Variants in UBE3D observed in about 807,000 individuals in gnomAD.
The protein encoded by UBE3D is ubiquitin protein ligase E3D.
A neutral mutation model predicts 49.6 loss-of-function variants in UBE3D; 48 were observed. The observed-to-expected ratio is 0.97, with a 90% CI of 0.77 to 1.23. The LOEUF (loss-of-function observed/expected upper bound fraction) is 1.23. Ranked by LOEUF, UBE3D falls within the 50% of genes most tolerant of loss-of-function variation. UBE3D has a pLI of 0.00. For missense variants in UBE3D, 452 were observed against 468.4 expected (o/e 0.96, Z 0.32); for synonymous variants, 189 against 174.2 (o/e 1.08, Z -0.67).
At chr6:82,995,635 T>C (rs975331880) in intron 8 of UBE3D, among the ~76,000 whole-genome samples, 3 of 152,094 alleles carry the variant, frequency 2.0e-5, no homozygotes, top group African/African-American at 7.2e-5. Context: ...GAAACAGTCA[T>C]TTAAAAAAGG....
intron 7 of UBE3D, among the ~76,000 whole-genome samples, chr6:83,022,125 C>A (rs183542216): frequency 6.6e-6 from 1 of 152,176 alleles, no homozygotes; most frequent in East Asian, 1.9e-4. Flanking sequence ...CTCCTGAGTT[C>A]AAGCGATTCT....
At chr6:83,015,651 T>A (rs1343499649) in intron 8 of UBE3D, among the ~76,000 whole-genome samples, 2 of 152,172 alleles carry the variant, frequency 1.3e-5, no homozygotes, top group Non-Finnish European at 2.9e-5. Context: ...GGTCACACTC[T>A]CAACCTCACC....
At chr6:83,002,422 C>A (rs1354118533) in intron 8 of UBE3D, among the ~76,000 whole-genome samples, 1 of 152,130 alleles carries the variant, frequency 6.6e-6, no homozygotes, top group Non-Finnish European at 1.5e-5. Flanking sequence ...TGTTGGCTCA[C>A]CCCTGTAATC....
intron 9 of UBE3D, among the ~76,000 whole-genome samples, chr6:82,919,386 G>A (rs1472545835): frequency 2.0e-5 from 3 of 151,634 alleles, no homozygotes; most frequent in Non-Finnish European, 2.9e-5. Flanking sequence ...AGCAGATCAC[G>A]AGGTCAGGAG....
chr6:83,040,378 ACTCTCT>A (rs59340440), intron 4 of UBE3D, among the ~76,000 whole-genome samples: 11,432 of 146,820 alleles, frequency 0.078, 866 homozygotes, highest in African/African-American at 0.2. Context: ...AGCGAGACTG[ACTCTCT>A]CTCTCTCTCT....
chr6:82,943,832 A>G (rs1401565400), intron 9 of UBE3D, among the ~76,000 whole-genome samples: 3 of 151,994 alleles, frequency 2.0e-5, no homozygotes, highest in Non-Finnish European at 2.9e-5. Flanking sequence ...AGTGCAGTGA[A>G]TATGAGACTT....
intron 8 of UBE3D, among the ~76,000 whole-genome samples, chr6:83,008,345 A>G (rs1780120088): frequency 6.6e-6 from 1 of 152,206 alleles, no homozygotes; most frequent in South Asian, 2.1e-4. Context: ...TATAGAGTCT[A>G]AAGCCAAAAA....
chr6:82,884,739 C>T, the UBE3D span, among the ~76,000 whole-genome samples: 1 of 152,216 alleles, frequency 6.6e-6, no homozygotes, highest in Admixed American at 6.5e-5. Flanking sequence ...TGGGGTGATC[C>T]CACAGCATAA....
rs141885314 is a variant in UBE3D at position 82,975,812 on chromosome 6, G to C, written c.1011-18362C>G. 3.5e-4 allele frequency among the ~76,000 whole-genome samples: 53 copies of C among 152,246 alleles called. 1 individual carries two copies. Among genetic ancestry groups the C allele is most frequent in the African/African-American group, 1.2e-3 (49 of 41,560 alleles). ...GATTTTTGTCATTAGCGTCAGTCAAGTTGCTATAGATATTAAAAAATGTAT... is the reference window on the plus strand; with the variant it reads ...GATTTTTGTCATTAGCGTCAGTCAACTTGCTATAGATATTAAAAAATGTAT... On this transcript the variant is annotated intron_variant, in intron 8 of 9. Transcript: ENST00000369747.
At chr6:82,966,262 G>A (rs965300627) in intron 8 of UBE3D, among the ~76,000 whole-genome samples, 1 of 152,128 alleles carries the variant, frequency 6.6e-6, no homozygotes. Context: ...AGGAGGAATG[G>A]GGAGTGATTG....
At chr6:83,034,622 A>G (rs908752526) in intron 5 of UBE3D, among the ~76,000 whole-genome samples, 1 of 152,098 alleles carries the variant, frequency 6.6e-6, no homozygotes, top group Non-Finnish European at 1.5e-5. Flanking sequence ...GAGTTATCAC[A>G]AGATCTGAGG....
intron 1 of UBE3D, among the ~76,000 whole-genome samples, chr6:83,058,367 C>CAATG (rs1473735590): frequency 1.3e-5 from 2 of 152,056 alleles, no homozygotes; most frequent in African/African-American, 4.8e-5. Context: ...TTCAGTGAAA[C>CAATG]AATGATACAA....
At chr6:82,923,504 A>G (rs1053934581) in intron 9 of UBE3D, among the ~76,000 whole-genome samples, 36 of 152,324 alleles carry the variant, frequency 2.4e-4, no homozygotes, top group African/African-American at 7.9e-4. Context: ...GTGGGAGTTG[A>G]ACAATGAGAA....
chr6:83,038,691 C>T (rs752578332), intron 4 of UBE3D, among the ~76,000 whole-genome samples: 2 of 152,186 alleles, frequency 1.3e-5, no homozygotes, highest in Non-Finnish European at 1.5e-5. Flanking sequence ...CACACAGATT[C>T]ACTTTTCCAA....
At chr6:82,967,967 A>G (rs1777070915) in intron 8 of UBE3D, among the ~76,000 whole-genome samples, 1 of 152,142 alleles carries the variant, frequency 6.6e-6, no homozygotes, top group Admixed American at 6.6e-5. Flanking sequence ...ATAACTGAGT[A>G]AATTTCCATG....
intron 9 of UBE3D, among the ~76,000 whole-genome samples, chr6:82,935,290 G>A (rs1410357186): frequency 1.3e-5 from 2 of 151,972 alleles, no homozygotes; most frequent in South Asian, 2.1e-4. Flanking sequence ...AACTCAGAGC[G>A]AGTGCTCACT....
At chr6:82,889,745 A>T (rs190504250), downstream of UBE3D, among the ~76,000 whole-genome samples, 5 of 152,118 alleles carry the variant, frequency 3.3e-5, no homozygotes, top group East Asian at 9.7e-4. Context: ...CTCCATGAGA[A>T]TGTAAGCTCG....
In UBE3D at chr6:83,032,728, T is replaced by G. The variant is rs149033188; in HGVS notation, c.667+5688A>C. The stretch of plus-strand genomic sequence containing the variant: ...TTGCTCCCATAATCCCCAGGTGTCA[T>G]AGAAGGGACCTGGTGGGAATTAACT... On this transcript the variant is annotated intron_variant, in intron 5 of 9. Coordinates refer to ENST00000369747, the MANE Select transcript of UBE3D (RefSeq NM_198920.3). Among the ~76,000 whole-genome samples, 84 of 152,218 alleles carry G rather than the reference T, an allele frequency of 5.5e-4. 1 individual carries two copies. Among genetic ancestry groups the G allele is most frequent in the African/African-American group, 1.9e-3 (78 of 41,536 alleles).
chr6:82,896,647 C>T (rs1166080610), intron 9 of UBE3D, among the ~76,000 whole-genome samples: 9 of 152,060 alleles, frequency 5.9e-5, no homozygotes, highest in South Asian at 2.1e-4. Context: ...TTGTGTGACA[C>T]GTTAAACATT....
Sources: allele counts gnomAD v4.1 joint callset (sites outside exome capture counted in the v4.1 genomes callset), GRCh38; gene constraint gnomAD v4.1.1; transcripts MANE v1.5; gene names NCBI Gene and HGNC (gene_info 2026-07-23, HGNC 2026-07-21).